The following SHOC1 variants were observed in gnomAD, a reference collection of about 807,000 sequenced individuals.
The protein encoded by SHOC1 is protein shortage in chiasmata 1 ortholog.
SHOC1 carries 136 observed loss-of-function variants against 179.2 expected under a neutral mutation model. The ratio of observed to expected loss-of-function variants is 0.76; its 90% CI spans 0.66 to 0.87. The LOEUF (loss-of-function observed/expected upper bound fraction) is 0.87, where lower values mean the gene tolerates loss of function less well. Ranked by LOEUF, SHOC1 falls within the 40% of genes least tolerant of loss-of-function variation. The pLI is 0.00. For synonymous variants in SHOC1, 489 were observed against 586.6 expected (o/e 0.83, Z 2.41); for missense variants, 1,538 against 1,700.8 (o/e 0.90, Z 1.68).
In SHOC1 at chr9:111,692,423, T is replaced by C. The variant is rs1399098358; in HGVS notation, c.3554A>G (p.Asn1185Ser). ...PQISSPQENRNQISTLSSQSS... is the reference protein window; with the variant it reads ...PQISSPQENRSQISTLSSQSS... ...TTGAGAAGACAAGGTACTAATCTGATTCCTATTTTCCTGAGGTGACGAAAT... is the reference window on the plus strand; with the variant it reads ...TTGAGAAGACAAGGTACTAATCTGACTCCTATTTTCCTGAGGTGACGAAAT... Residue 1185 changes from asparagine to serine, a missense_variant, in exon 27 of 28, where the codon AAT (asparagine) becomes AGT (serine). Physicochemically the swap from Asn to Ser is conservative, Grantham distance 46. Transcript: ENST00000682961. 1 of 1,613,116 alleles carries C rather than the reference T, an allele frequency of 6.2e-7. No individual in the cohort carries two copies. Among genetic ancestry groups the C allele is most frequent in the South Asian group, 1.1e-5 (1 of 90,848 alleles).
intron 18 of SHOC1, 114 bp from the exon 19 acceptor site, chr9:111,708,038 C>A: frequency 1.8e-6 from 1 of 551,810 alleles, no homozygotes; most frequent in Non-Finnish European, 3.1e-6. Flanking sequence ...AACAAAACTG[C>A]TTAAAATACA....
At chr9:111,711,466 G>A (rs970764949) in intron 18 of SHOC1, among the ~76,000 whole-genome samples, 2 of 152,066 alleles carry the variant, frequency 1.3e-5, no homozygotes, top group Non-Finnish European at 2.9e-5. Flanking sequence ...TGTGAGATGG[G>A]GGTCTATTAA....
At chr9:111,698,999 T>TA (rs1182323471) in intron 24 of SHOC1, among the ~76,000 whole-genome samples, 11 of 150,868 alleles carry the variant, frequency 7.3e-5, no homozygotes, top group East Asian at 1.9e-4. Context: ...GTTCCAGGAA[T>TA]AAAAAAAAAG....
intron 5 of SHOC1, among the ~76,000 whole-genome samples, chr9:111,771,032 GACTT>G (rs1835587080): frequency 6.6e-6 from 1 of 152,034 alleles, no homozygotes; most frequent in Admixed American, 6.6e-5. Context: ...ATTAAGTAAA[GACTT>G]ACTACTGCCA....
In SHOC1 at chr9:111,706,634, G is replaced by C; in HGVS notation, c.2671C>G (p.His891Asp). 6.2e-7 allele frequency: 1 copy of C among 1,607,932 alleles called. No individual in the cohort carries two copies. ...NYVEDSCWTKHCKELNIPYMA... is the reference protein window; with the variant it reads ...NYVEDSCWTKDCKELNIPYMA... Reference sequence around the variant, plus strand: ...TAAGGAATATTCAACTCTTTGCAGTGTTTAGTCCAACAAGAGTCTTCCACA... The same window carrying C: ...TAAGGAATATTCAACTCTTTGCAGTCTTTAGTCCAACAAGAGTCTTCCACA... Residue 891 changes from histidine (H) to aspartate (D), a missense_variant, in exon 20 of 28, where the codon CAC becomes GAC. Transcript: ENST00000682961.
chr9:111,775,745 A>G (rs1275432102), intron 5 of SHOC1, 46 bp downstream of exon 5: 6 of 1,504,980 alleles, frequency 4.0e-6, no homozygotes, highest in East Asian at 2.3e-5. Flanking sequence ...GAATATGTGT[A>G]TATCAGTAAG....
At position 111,714,529 on chromosome 9, in the gene SHOC1, C is replaced by T; in HGVS notation, c.2331G>A (p.Arg777=). 1 of 1,613,930 alleles carries T rather than the reference C, an allele frequency of 6.2e-7. No homozygotes were observed. Among genetic ancestry groups the T allele is most frequent in the East Asian group, 2.2e-5 (1 of 44,838 alleles). Residue 777 remains arginine (R), a synonymous_variant, in exon 17 of 28, where the codon AGG becomes AGA. Coordinates refer to ENST00000682961, the MANE Select transcript of SHOC1 (RefSeq NM_001378211.1). ...TGTAGTTGGTTTCAGGCTTTTTCCCCCTAATAAACTGTACAATCTCCAGCT... is the reference window on the plus strand; with the variant it reads ...TGTAGTTGGTTTCAGGCTTTTTCCCTCTAATAAACTGTACAATCTCCAGCT... The part of the protein sequence containing the change: ...WRQLEIVQFI[R]GKKPETNYKI...
At chr9:111,693,252 G>A (rs1283723160) in intron 26 of SHOC1, among the ~76,000 whole-genome samples, 2 of 151,676 alleles carry the variant, frequency 1.3e-5, no homozygotes, top group African/African-American at 4.8e-5. Context: ...ACTGCAGTGA[G>A]CCGAGATCAA....
intron 21 of SHOC1, among the ~76,000 whole-genome samples, chr9:111,704,408 G>C (rs542591521): frequency 1.3e-5 from 2 of 151,992 alleles, no homozygotes; most frequent in South Asian, 4.2e-4. Flanking sequence ...ATTATTTTTA[G>C]AGACAGCTCT....
intron 5 of SHOC1, among the ~76,000 whole-genome samples, chr9:111,766,362 G>A (rs1231507469): frequency 6.6e-6 from 1 of 152,178 alleles, no homozygotes; most frequent in Non-Finnish European, 1.5e-5. Flanking sequence ...AAACATGGGA[G>A]TGCAGATGTC....
chr9:111,691,500 C>A (rs1448789259), intron 27 of SHOC1, 51 bp downstream of exon 27: 25 of 1,479,908 alleles, frequency 1.7e-5, no homozygotes, highest in Non-Finnish European at 2.0e-5. Context: ...ATGATTTTAT[C>A]TTTTAAAATT....
chr9:111,755,407 T>C (rs1486335525), intron 8 of SHOC1, among the ~76,000 whole-genome samples: 1 of 152,238 alleles, frequency 6.6e-6, no homozygotes, highest in East Asian at 1.9e-4. Context: ...GGTCTGTTCA[T>C]GGCAAGCATC....
intron 5 of SHOC1, among the ~76,000 whole-genome samples, chr9:111,766,292 C>G (rs1835357444): frequency 6.6e-6 from 1 of 151,726 alleles, no homozygotes; most frequent in Non-Finnish European, 1.5e-5. Context: ...TTTGTTTATT[C>G]ATCCACTACT....
chr9:111,738,876 G>C (rs1589427609), intron 11 of SHOC1, among the ~76,000 whole-genome samples: 1 of 151,996 alleles, frequency 6.6e-6, no homozygotes, highest in South Asian at 2.1e-4. Flanking sequence ...TATTAAATTA[G>C]AAATTCTAAC....
At chr9:111,758,983 T>C (rs909877201) in intron 5 of SHOC1, 135 bp from the exon 6 acceptor site, 12 of 867,828 alleles carry the variant, frequency 1.4e-5, no homozygotes, top group Admixed American at 8.4e-5. Context: ...TAGCTCTTCA[T>C]TGTACTGTGC....
At chr9:111,753,203 C>T (rs2131548268) in intron 8 of SHOC1, among the ~76,000 whole-genome samples, 1 of 152,318 alleles carries the variant, frequency 6.6e-6, no homozygotes, top group South Asian at 2.1e-4. Context: ...TACGCTTGCT[C>T]AGTTGCCTTC....
chr9:111,692,727 T>C (rs7045818), intron 26 of SHOC1, among the ~76,000 whole-genome samples: 2,020 of 152,236 alleles, frequency 0.013, 54 homozygotes, highest in African/African-American at 0.046. Context: ...GAATTTTTAA[T>C]AGTCTATTTT....
intron 4 of SHOC1, among the ~76,000 whole-genome samples, chr9:111,777,485 CAGTT>C (rs893198244): frequency 4.7e-4 from 72 of 152,318 alleles, no homozygotes; most frequent in African/African-American, 1.5e-3. Context: ...AGGATGGAAT[CAGTT>C]AGGTTTGATC....
intron 17 of SHOC1, 54 bp downstream of exon 17, chr9:111,714,391 C>T: frequency 6.4e-7 from 1 of 1,570,460 alleles, no homozygotes; most frequent in African/African-American, 1.4e-5. Flanking sequence ...ATGTATCTTA[C>T]ATCCAATTCT....
Sources: allele counts gnomAD v4.1 joint callset (sites outside exome capture counted in the v4.1 genomes callset), GRCh38; gene constraint gnomAD v4.1.1; transcripts MANE v1.5; gene names NCBI Gene and HGNC (gene_info 2026-07-23, HGNC 2026-07-21).